Variants in ATRNL1 observed in about 807,000 individuals in gnomAD.
ATRNL1 encodes attractin like 1.
In ATRNL1, 95 loss-of-function variants were observed where a neutral mutation model predicts 182.7. That is an observed-to-expected ratio of 0.52 (90% CI 0.44 to 0.62). The LOEUF is 0.62. Ranked by LOEUF, ATRNL1 falls within the 20% of genes least tolerant of loss-of-function variation. The pLI, the probability that ATRNL1 is intolerant of heterozygous loss-of-function variation, is 0.00. For synonymous variants in ATRNL1, 576 were observed against 568.3 expected (o/e 1.01, Z -0.19); for missense variants, 1,471 against 1,679.5 (o/e 0.88, Z 2.17).
At chr10:115,703,103 C>A (rs564675961) in intron 26 of ATRNL1, among the ~76,000 whole-genome samples, 1 of 151,990 alleles carries the variant, frequency 6.6e-6, no homozygotes, top group East Asian at 1.9e-4. Flanking sequence ...AGAAGTAAAG[C>A]CACACACTTA....
At chr10:115,597,172 A>G (rs1471788822) in intron 26 of ATRNL1, among the ~76,000 whole-genome samples, 4 of 152,154 alleles carry the variant, frequency 2.6e-5, no homozygotes, top group Non-Finnish European at 5.9e-5. Flanking sequence ...ATTTTTCTCT[A>G]TGTTTACTAA....
chr10:115,486,466 GT>G (rs1554975178), intron 24 of ATRNL1, among the ~76,000 whole-genome samples: 10 of 152,036 alleles, frequency 6.6e-5, no homozygotes, highest in Non-Finnish European at 1.2e-4. Context: ...GTATCTCATT[GT>G]GGTTTTGATT....
intron 25 of ATRNL1, among the ~76,000 whole-genome samples, chr10:115,540,557 C>T (rs1554991692): frequency 6.6e-6 from 1 of 151,932 alleles, no homozygotes; most frequent in Non-Finnish European, 1.5e-5. Context: ...GTCAGGAGTT[C>T]GAGACCAGCC....
At chr10:115,108,243 G>C (rs1240345582) in intron 1 of ATRNL1, among the ~76,000 whole-genome samples, 3 of 152,030 alleles carry the variant, frequency 2.0e-5, no homozygotes, top group Non-Finnish European at 4.4e-5. Flanking sequence ...TCAATATTTT[G>C]CTTAGAAATT....
intron 28 of ATRNL1, among the ~76,000 whole-genome samples, chr10:115,870,885 A>G (rs1424792574): frequency 6.6e-6 from 1 of 152,180 alleles, no homozygotes; most frequent in Non-Finnish European, 1.5e-5. Context: ...GTTGTCATGA[A>G]GAGTAAGTGA....
At chr10:115,154,208 T>C (rs1177993392) in intron 5 of ATRNL1, among the ~76,000 whole-genome samples, 1 of 151,884 alleles carries the variant, frequency 6.6e-6, no homozygotes, top group East Asian at 1.9e-4. Context: ...TGGAGAGTTC[T>C]GTAGATGTCT....
At chr10:115,730,738 G>A (rs760810423) in intron 27 of ATRNL1, among the ~76,000 whole-genome samples, 25 of 152,078 alleles carry the variant, frequency 1.6e-4, no homozygotes, top group Non-Finnish European at 1.2e-4. Context: ...CCTGTCATCA[G>A]TGTATTAGTC....
At chr10:115,668,563 C>T (rs1478395147) in intron 26 of ATRNL1, among the ~76,000 whole-genome samples, 3 of 152,078 alleles carry the variant, frequency 2.0e-5, no homozygotes, top group Non-Finnish European at 4.4e-5. Context: ...ATGAAATCTT[C>T]TGATTTTGGT....
At position 115,121,779 on chromosome 10, in the gene ATRNL1, A is replaced by G. The variant is rs782329355; in HGVS notation, c.458A>G (p.Asp153Gly). The G allele has an allele frequency of 5.1e-6, 8 of 1,559,224 alleles. No individual in the cohort carries two copies. The highest frequency in any genetic ancestry group is 4.1e-5 in the African/African-American group (3 of 73,098). Residue 153 changes from aspartate (D) to glycine (G), a missense_variant, in exon 3 of 29, where the codon GAT becomes GGT. Transcript: ENST00000355044. ...GATCATATGTATGTTTATGATGGAG[A>G]TTCAATATATGCACCTTTAATAGCT... ...SWDHMYVYDG[D>G]SIYAPLIAVL...
At chr10:115,708,114 T>G (rs1946955436) in intron 26 of ATRNL1, among the ~76,000 whole-genome samples, 1 of 151,646 alleles carries the variant, frequency 6.6e-6, no homozygotes, top group South Asian at 2.1e-4. Context: ...TGCACTAATA[T>G]TGAAAAGGAA....
At chr10:115,284,821 A>T (rs961717366) in intron 14 of ATRNL1, among the ~76,000 whole-genome samples, 1 of 152,214 alleles carries the variant, frequency 6.6e-6, no homozygotes, top group African/African-American at 2.4e-5. Context: ...ATAAAACAAT[A>T]AAAATAAAAT....
intron 27 of ATRNL1, among the ~76,000 whole-genome samples, chr10:115,828,618 T>G (rs1476090844): frequency 6.6e-6 from 1 of 152,216 alleles, no homozygotes; most frequent in Non-Finnish European, 1.5e-5. Context: ...TCCTCAGGAT[T>G]TAATTAATGT....
At chr10:115,601,277 A>G (rs1402978590) in intron 26 of ATRNL1, among the ~76,000 whole-genome samples, 1 of 152,148 alleles carries the variant, frequency 6.6e-6, no homozygotes, top group Non-Finnish European at 1.5e-5. Context: ...TTGTAGTGCT[A>G]TTGGAAACTT....
intron 8 of ATRNL1, among the ~76,000 whole-genome samples, chr10:115,207,706 G>T (rs1848854927): frequency 6.6e-6 from 1 of 151,914 alleles, no homozygotes; most frequent in African/African-American, 2.4e-5. Context: ...TTAAAAATGT[G>T]ACTCCACTGT....
chr10:115,398,447 TC>T (rs1196881887), intron 20 of ATRNL1, among the ~76,000 whole-genome samples: 2 of 151,986 alleles, frequency 1.3e-5, no homozygotes, highest in Non-Finnish European at 2.9e-5. Flanking sequence ...CTGGGTGTTT[TC>T]CTAGGCACAC....
chr10:115,177,903 G>GTTT (rs147613896), intron 8 of ATRNL1, among the ~76,000 whole-genome samples: 4 of 102,060 alleles, frequency 3.9e-5, no homozygotes, highest in African/African-American at 1.3e-4. Flanking sequence ...TTGTTTTTTT[G>GTTT]TTTTTTTTGT....
chr10:115,863,109 A>G (rs1368729249), intron 28 of ATRNL1, among the ~76,000 whole-genome samples: 1 of 152,180 alleles, frequency 6.6e-6, no homozygotes, highest in Non-Finnish European at 1.5e-5. Flanking sequence ...AAAATGGAGC[A>G]ATGAGAGGGG....
intron 27 of ATRNL1, among the ~76,000 whole-genome samples, chr10:115,845,681 G>A (rs1950911891): frequency 1.4e-5 from 2 of 138,710 alleles, no homozygotes; most frequent in South Asian, 2.3e-4. Flanking sequence ...CAATTCTACT[G>A]TTCTAATTTT....
At chr10:115,482,472 CT>C (rs1848813303) in intron 24 of ATRNL1, among the ~76,000 whole-genome samples, 1 of 150,794 alleles carries the variant, frequency 6.6e-6, no homozygotes, top group Admixed American at 6.6e-5. Flanking sequence ...AATAAAAATG[CT>C]TCTTTTATTA....
Sources: allele counts gnomAD v4.1 joint callset (sites outside exome capture counted in the v4.1 genomes callset), GRCh38; gene constraint gnomAD v4.1.1; transcripts MANE v1.5; gene names NCBI Gene and HGNC (gene_info 2026-07-23, HGNC 2026-07-21).